The following XIRP2 variants were observed in gnomAD, a reference collection of about 807,000 sequenced individuals.
The protein encoded by XIRP2 is xin actin binding repeat containing 2, also known as xin actin-binding repeat-containing protein 2.
In XIRP2, 236 loss-of-function variants were observed where a neutral mutation model predicts 277.0. The ratio of observed to expected loss-of-function variants is 0.85; its 90% CI spans 0.77 to 0.95. The LOEUF is 0.95. Among genes scored for constraint, XIRP2 ranks in the 40% least tolerant of loss-of-function variants. The probability of loss-of-function intolerance (pLI) is 0.00; values close to 1 mark genes in which losing one functional copy is unlikely to be tolerated. For synonymous variants in XIRP2, 1,490 were observed against 1,416.5 expected (o/e 1.05, Z -1.17); for missense variants, 4,640 against 4,157.5 (o/e 1.12, Z -3.19).
chr2:167,076,933 C>T (rs968945207), intron 2 of XIRP2, among the ~76,000 whole-genome samples: 4 of 152,062 alleles, frequency 2.6e-5, no homozygotes, highest in Non-Finnish European at 5.9e-5. Flanking sequence ...CAGGTTCAAG[C>T]GATTCTCCTG....
chr2:166,928,247 C>A (rs1685241133), intron 2 of XIRP2, among the ~76,000 whole-genome samples: 1 of 152,008 alleles, frequency 6.6e-6, no homozygotes, highest in African/African-American at 2.4e-5. Flanking sequence ...GAATGCAAAA[C>A]CGTGGAGAGA....
At chr2:167,196,305 T>G (rs1409214923) in intron 3 of XIRP2, among the ~76,000 whole-genome samples, 2 of 152,016 alleles carry the variant, frequency 1.3e-5, no homozygotes, top group Non-Finnish European at 2.9e-5. Context: ...GTGCATTAGG[T>G]GTAATACGGA....
At chr2:166,929,045 T>C (rs1685259539) in intron 2 of XIRP2, among the ~76,000 whole-genome samples, 1 of 152,096 alleles carries the variant, frequency 6.6e-6, no homozygotes. Context: ...CTATCGCTGA[T>C]ACTCAAAGAC....
intron 2 of XIRP2, among the ~76,000 whole-genome samples, chr2:167,023,618 G>C (rs977938766): frequency 6.6e-6 from 1 of 151,996 alleles, no homozygotes; most frequent in African/African-American, 2.4e-5. Context: ...AATCCATCTT[G>C]AATTAATTTT....
chr2:167,034,212 G>C (rs1416884006), intron 2 of XIRP2, among the ~76,000 whole-genome samples: 1 of 152,036 alleles, frequency 6.6e-6, no homozygotes, highest in African/African-American at 2.4e-5. Context: ...TGCAATCAGT[G>C]TTGTCATCAG....
rs575515982 is a variant in XIRP2 at position 167,010,218 on chromosome 2, C to T, written c.408+106328C>T. 8.1e-4 allele frequency among the ~76,000 whole-genome samples: 123 copies of T among 152,254 alleles called. 1 individual carries two copies. Among genetic ancestry groups the T allele is most frequent in the Non-Finnish European group, 1.4e-3 (98 of 68,026 alleles). On this transcript the variant is annotated intron_variant, in intron 2 of 10. Coordinates refer to ENST00000409195, the MANE Select transcript of XIRP2 (RefSeq NM_152381.6). ...ATGGTTGTAGGTCTAACGTTAAAGT[C>T]TTTAATCCATCTTGAATTAATTTTT...
At chr2:167,046,711 G>A (rs1018478939) in intron 2 of XIRP2, among the ~76,000 whole-genome samples, 2 of 151,954 alleles carry the variant, frequency 1.3e-5, no homozygotes, top group African/African-American at 4.8e-5. Context: ...TTTCAAAGCG[G>A]CAGCTGAACA....
At chr2:167,146,020 T>C (rs539200775) in intron 3 of XIRP2, among the ~76,000 whole-genome samples, 10 of 151,982 alleles carry the variant, frequency 6.6e-5, no homozygotes, top group African/African-American at 2.2e-4. Context: ...TTTAAAAGTG[T>C]ATCATGAAAA....
At chr2:166,911,062 T>C (rs1208524466) in intron 2 of XIRP2, among the ~76,000 whole-genome samples, 2 of 152,192 alleles carry the variant, frequency 1.3e-5, no homozygotes, top group African/African-American at 2.4e-5. Flanking sequence ...ATAAGTGTGA[T>C]GTGGTGCTGA....
Position 167,245,253 on chromosome 2 carries a change from T to TAA in XIRP2, c.3863_3864dup (p.Glu1289LysfsTer17). On this transcript the variant is annotated frameshift_variant, in exon 9 of 11. Transcript: ENST00000409195. LOFTEE classifies it high-confidence loss of function. ...TTGAGACTTTTTCTTTAGATGAGATTAAAGAAGAATCTGACTATATCAGCA... is the reference window on the plus strand; with the variant it reads ...TTGAGACTTTTTCTTTAGATGAGATTAAAAAGAAGAATCTGACTATATCAGCA... 1.2e-6 allele frequency: 2 copies of TAA among 1,613,572 alleles called. No homozygotes were observed. The highest frequency in any genetic ancestry group is 1.7e-6 in the Non-Finnish European group (2 of 1,179,702).
At chr2:167,109,935 CT>C (rs1690709846) in intron 2 of XIRP2, among the ~76,000 whole-genome samples, 1 of 152,090 alleles carries the variant, frequency 6.6e-6, no homozygotes, top group Non-Finnish European at 1.5e-5. Flanking sequence ...TGATGTTGAG[CT>C]TTTTTTCATG....
chr2:167,096,527 G>T (rs368848077), intron 2 of XIRP2, among the ~76,000 whole-genome samples: 1 of 152,086 alleles, frequency 6.6e-6, no homozygotes, highest in East Asian at 1.9e-4. Context: ...TTTTTGAAGG[G>T]TTTTTCATGT....
At chr2:167,124,536 C>T (rs1691145724) in intron 2 of XIRP2, 1 of 152,046 alleles carries the variant, frequency 6.6e-6, no homozygotes. Flanking sequence ...CTGCAATGTT[C>T]AAAGAAAGCA....
chr2:166,936,430 G>T (rs2105374952), intron 2 of XIRP2, among the ~76,000 whole-genome samples: 1 of 152,294 alleles, frequency 6.6e-6, no homozygotes, highest in South Asian at 2.1e-4. Context: ...GATCCCATTT[G>T]TCAATTTTGG....
chr2:166,922,727 G>A (rs1685085078), intron 2 of XIRP2, among the ~76,000 whole-genome samples: 1 of 150,884 alleles, frequency 6.6e-6, no homozygotes, highest in Non-Finnish European at 1.5e-5. Flanking sequence ...CTGCACTCCA[G>A]CCTGGGCAAC....
intron 2 of XIRP2, among the ~76,000 whole-genome samples, chr2:167,009,714 T>C (rs1310385258): frequency 2.0e-5 from 3 of 152,038 alleles, no homozygotes; most frequent in Non-Finnish European, 4.4e-5. Context: ...CTCCACATCC[T>C]CTCCAGCACC....
intron 3 of XIRP2, among the ~76,000 whole-genome samples, chr2:167,181,540 T>C (rs376648086): frequency 6.6e-6 from 1 of 152,166 alleles, no homozygotes; most frequent in Non-Finnish European, 1.5e-5. Flanking sequence ...TTTTAAATTA[T>C]TTTAATTGAA....
rs570148606 is a variant in XIRP2 at position 166,925,097 on chromosome 2, C to T, written c.408+21207C>T. On this transcript the variant is annotated intron_variant, in intron 2 of 10. Transcript: ENST00000409195. ...AAAAGTATTTCAGGCTATGCATTCA[C>T]AAATAATAGGTAGTAGCTATATTTA... 2.0e-5 allele frequency among the ~76,000 whole-genome samples: 3 copies of T among 152,086 alleles called. No homozygotes were observed. The East Asian group carries it at 5.8e-4, about 29-fold the overall frequency.
intron 5 of XIRP2, among the ~76,000 whole-genome samples, chr2:167,232,605 T>C (rs1694791870): frequency 6.6e-6 from 1 of 151,952 alleles, no homozygotes; most frequent in Admixed American, 6.6e-5. Flanking sequence ...ACTAGGAAAA[T>C]GTCTGACACA....
Sources: allele counts gnomAD v4.1 joint callset (sites outside exome capture counted in the v4.1 genomes callset), GRCh38; gene constraint gnomAD v4.1.1; transcripts MANE v1.5; gene names NCBI Gene and HGNC (gene_info 2026-07-23, HGNC 2026-07-21).